Variants in ADGRF3 observed in about 807,000 individuals in gnomAD.
ADGRF3 encodes G protein-coupled receptor 113.
In ADGRF3, 85 loss-of-function variants were observed where a neutral mutation model predicts 93.2. That is an observed-to-expected ratio of 0.91 (90% CI 0.77 to 1.09). The LOEUF is 1.09. Among genes scored for constraint, ADGRF3 ranks in the 50% least tolerant of loss-of-function variants. The probability of loss-of-function intolerance (pLI) is 0.00; values close to 1 mark genes in which losing one functional copy is unlikely to be tolerated. For synonymous variants in ADGRF3, 534 were observed against 532.5 expected (o/e 1.00, Z -0.04); for missense variants, 1,125 against 1,246.2 (o/e 0.90, Z 1.46).
intron 1 of ADGRF3, among the ~76,000 whole-genome samples, chr2:26,319,462 T>G (rs1448673963): frequency 6.6e-6 from 1 of 151,920 alleles, no homozygotes; most frequent in East Asian, 1.9e-4. Context: ...AAAGAAAAGA[T>G]AAAAATATGA....
intron 10 of ADGRF3, 129 bp downstream of exon 10, chr2:26,310,563 A>T: frequency 1.0e-6 from 1 of 977,168 alleles, no homozygotes; most frequent in Non-Finnish European, 1.5e-6. Context: ...TGGGATCCAC[A>T]CCTAAGCCTT....
chr2:26,336,315 A>AGTGTGTGTGTGTGTGTGTGT (rs71399385), intron 1 of ADGRF3, among the ~76,000 whole-genome samples: 193 of 148,668 alleles, frequency 1.3e-3, no homozygotes, highest in Middle Eastern at 3.4e-3. Flanking sequence ...GGAGATCAAG[A>AGTGTGTGTGTGTGTGTGTGT]GTGTGTGTGT....
chr2:26,334,288 C>CA (rs34910544), intron 1 of ADGRF3, among the ~76,000 whole-genome samples: 45,015 of 110,002 alleles, frequency 0.41, 7,897 homozygotes, highest in Middle Eastern at 0.52. Flanking sequence ...GCTATCATCT[C>CA]AAAAAAAAAA....
chr2:26,342,429 T>C (rs901507425), intron 1 of ADGRF3, among the ~76,000 whole-genome samples: 1 of 152,228 alleles, frequency 6.6e-6, no homozygotes, highest in Non-Finnish European at 1.5e-5. Context: ...ATTGGAGTTA[T>C]TAACTACATT....
rs557075831 is a variant in ADGRF3, at chr2:26,325,525, TTTATA to T, written c.115-7968_115-7964del. On this transcript the variant is annotated intron_variant, in intron 1 of 13. Coordinates refer to ENST00000651242, the MANE Select transcript of ADGRF3 (RefSeq NM_001321971.2). The stretch of plus-strand genomic sequence containing the variant: ...CTGTTCAGAAAACCCTGCTTCAGCG[TTTATA>T]TTAAAGCTATGTACCTCAAGAGCAC... Among the ~76,000 whole-genome samples the T allele has an allele frequency of 3.7e-4, 56 of 152,304 alleles. No homozygotes were observed. The South Asian group carries it at 0.011, about 31-fold the overall frequency.
At chr2:26,325,357 A>G (rs567097522) in intron 1 of ADGRF3, among the ~76,000 whole-genome samples, 36 of 152,352 alleles carry the variant, frequency 2.4e-4, no homozygotes, top group Middle Eastern at 3.4e-3. Flanking sequence ...ATATGCCTTT[A>G]TAGGAAAAAA....
At chr2:26,312,881 A>G in intron 9 of ADGRF3, 62 bp downstream of exon 9, 1 of 1,466,088 alleles carries the variant, frequency 6.8e-7, no homozygotes, top group African/African-American at 1.4e-5. Context: ...AAATGCCCAC[A>G]GGTGGGGAGT....
chr2:26,318,845 C>A, intron 1 of ADGRF3: 1 of 1,487,146 alleles, frequency 6.7e-7, no homozygotes, highest in South Asian at 1.2e-5. Flanking sequence ...ACATTACTTC[C>A]TCTCCCCTCA....
At position 26,319,019 on chromosome 2, in the gene ADGRF3, G is replaced by T. The variant is rs1483648925; in HGVS notation, c.115-1457C>A. The T allele has an allele frequency of 1.9e-6, 3 of 1,551,628 alleles. No individual in the cohort carries two copies. In the Admixed American group the frequency reaches 5.9e-5, roughly 30 times the overall value. Reference sequence around the variant, plus strand: ...CCCAGCAGGGGAAGAGTTGTGGCCAGGAGCAGCAGTGGGGCAGCCGAACAG... The same window carrying T: ...CCCAGCAGGGGAAGAGTTGTGGCCATGAGCAGCAGTGGGGCAGCCGAACAG... On this transcript the variant is annotated intron_variant, in intron 1 of 13. Coordinates refer to ENST00000651242, the MANE Select transcript of ADGRF3 (RefSeq NM_001321971.2).
At chr2:26,337,750 T>C (rs1676134019) in intron 1 of ADGRF3, among the ~76,000 whole-genome samples, 1 of 152,082 alleles carries the variant, frequency 6.6e-6, no homozygotes, top group African/African-American at 2.4e-5. Context: ...AGGCCAGGTG[T>C]GGTGGCTCAC....
At position 26,320,653 on chromosome 2, in the gene ADGRF3, G is replaced by C. The variant is rs60553167; in HGVS notation, c.115-3091C>G. Among the ~76,000 whole-genome samples the C allele has an allele frequency of 5.0e-3, 756 of 152,242 alleles. 26 individuals are homozygous for C. In the South Asian group the frequency reaches 0.087, roughly 17 times the overall value. On this transcript the variant is annotated intron_variant, in intron 1 of 13. Coordinates refer to ENST00000651242, the MANE Select transcript of ADGRF3 (RefSeq NM_001321971.2). ...TATATTAAGTATTAAAAGTATAGTT[G>C]TACATGTGTGTAAAAACATGTACAT...
intron 1 of ADGRF3, chr2:26,318,859 C>G: frequency 6.5e-7 from 1 of 1,529,596 alleles, no homozygotes; most frequent in Non-Finnish European, 8.9e-7. Flanking sequence ...CCCCTCAGCC[C>G]TTTCCCCACT....
chr2:26,319,716 G>A (rs1025705693), intron 1 of ADGRF3, among the ~76,000 whole-genome samples: 5 of 137,588 alleles, frequency 3.6e-5, no homozygotes, highest in South Asian at 4.7e-4. Context: ...TCTCACTCTC[G>A]TTCTTTTTCT....
At chr2:26,342,206 T>A (rs1299842179) in intron 1 of ADGRF3, among the ~76,000 whole-genome samples, 3 of 152,090 alleles carry the variant, frequency 2.0e-5, no homozygotes, top group African/African-American at 7.2e-5. Context: ...TGACTTTTGG[T>A]AAGATATATT....
At chr2:26,309,190 C>T in intron 13 of ADGRF3, 83 bp from the exon 14 acceptor site, 1 of 1,613,924 alleles carries the variant, frequency 6.2e-7, no homozygotes, top group Non-Finnish European at 8.5e-7. Flanking sequence ...CAAGCCCACC[C>T]ATGGCAATCC....
chr2:26,314,836 C>T (rs776469922), intron 5 of ADGRF3: 115 of 577,052 alleles, frequency 2.0e-4, no homozygotes, highest in South Asian at 3.1e-4. Flanking sequence ...TCTCTTTTAT[C>T]GGCCCATGCC....
intron 1 of ADGRF3, among the ~76,000 whole-genome samples, chr2:26,323,532 G>T (rs1016767171): frequency 2.6e-5 from 4 of 151,994 alleles, no homozygotes; most frequent in African/African-American, 9.7e-5. Flanking sequence ...AAAGTCCTGG[G>T]CCAAAGTGAT....
intron 5 of ADGRF3, 62 bp downstream of exon 5, chr2:26,315,460 G>T: frequency 6.7e-7 from 1 of 1,500,380 alleles, no homozygotes; most frequent in South Asian, 1.3e-5. Flanking sequence ...AGAGAAGGAA[G>T]ACGAGGATGA....
Position 26,316,447 on chromosome 2 carries a change from C to T in ADGRF3, c.327G>A (p.Glu109=), listed in dbSNP as rs1272341234. The T allele has an allele frequency of 6.4e-7, 1 of 1,551,346 alleles. No homozygotes were observed. Among genetic ancestry groups the T allele is most frequent in the Non-Finnish European group, 8.7e-7 (1 of 1,146,804 alleles). ...PLLTGLRLTT[E]CNVNHKGNFY... ...AATTCCCCTTGTGGTTGACATTACA[C>T]TCTGACAGAGAGAAGAGAAGAGGGG... The change falls in exon 4 of 14, where the codon GAG becomes GAA. Residue 109 remains glutamate (E), a splice_region_variant and synonymous_variant. Coordinates refer to ENST00000651242, the MANE Select transcript of ADGRF3 (RefSeq NM_001321971.2).
Sources: gnomAD v4.1 joint callset for allele counts (sites outside exome capture counted in the v4.1 genomes callset) on GRCh38, gnomAD v4.1.1 for gene constraint, MANE v1.5 for transcripts, NCBI Gene and HGNC (gene_info 2026-07-23, HGNC 2026-07-21) for gene names.